Variants in PRKD1 observed in about 807,000 individuals in gnomAD.
The protein encoded by PRKD1 is serine/threonine-protein kinase D1.
Under a neutral mutation model 95.9 loss-of-function variants are expected in PRKD1, and 63 were observed. The observed-to-expected ratio is 0.66, with a 90% confidence interval of 0.54 to 0.81. The LOEUF (loss-of-function observed/expected upper bound fraction) is 0.81. Ranked by LOEUF, PRKD1 falls within the 30% of genes least tolerant of loss-of-function variation. PRKD1 has a pLI of 0.00. For synonymous variants in PRKD1, 425 were observed against 423.1 expected, an observed-to-expected ratio of 1.00 and a Z score of -0.05; for missense variants, 1,048 against 1,165.3, an observed-to-expected ratio of 0.90 and a Z score of 1.47.
In PRKD1 at chr14:29,859,436, A is replaced by G. The variant is rs974770237; in HGVS notation, c.264+67813T>C. On this transcript the variant is annotated intron_variant, in intron 1 of 17. Transcript: ENST00000331968. The stretch of plus-strand genomic sequence containing the variant: ...ATCCTGGCTAACACGGTGAAAACCC[A>G]TCTCTACTAAAAATACAAAAAATTA... Among the ~76,000 whole-genome samples, 14 of 151,922 alleles carry G rather than the reference A, an allele frequency of 9.2e-5. No individual in the cohort carries two copies. The South Asian group carries it at 1.2e-3, about 14-fold the overall frequency.
chr14:29,598,917 A>G, intron 15 of PRKD1, 110 bp downstream of exon 15: 1 of 932,004 alleles, frequency 1.1e-6, no homozygotes, highest in Non-Finnish European at 1.7e-6. Flanking sequence ...GATAGAAAAC[A>G]CTTGAAACAA....
chr14:29,733,420 T>C (rs1023480584), intron 1 of PRKD1, among the ~76,000 whole-genome samples: 2 of 152,176 alleles, frequency 1.3e-5, no homozygotes, highest in Non-Finnish European at 2.9e-5. Flanking sequence ...TATTTTCTAC[T>C]GTGATGTCTA....
chr14:29,582,184 C>T lies in PRKD1; in HGVS notation c.2435-3824G>A, dbSNP rs1415641168. The stretch of plus-strand genomic sequence containing the variant: ...ACAAATACTGACTTTCAGTCATTTT[C>T]TTCTCAGGGCCAAGATTTGTTTTCT... On this transcript the variant is annotated intron_variant, in intron 16 of 17. Transcript: ENST00000331968. Among the ~76,000 whole-genome samples, 6 of 152,154 alleles carry T rather than the reference C, an allele frequency of 3.9e-5. No individual in the cohort carries two copies. The East Asian group carries it at 1.2e-3, about 29-fold the overall frequency.
At chr14:29,629,439 T>TAA (rs1207004084) in intron 10 of PRKD1, among the ~76,000 whole-genome samples, 1 of 152,190 alleles carries the variant, frequency 6.6e-6, no homozygotes, top group African/African-American at 2.4e-5. Flanking sequence ...GGCAAATCGT[T>TAA]AAAGTCTACC....
At chr14:29,842,819 GA>G in intron 1 of PRKD1, among the ~76,000 whole-genome samples, 1 of 152,058 alleles carries the variant, frequency 6.6e-6, no homozygotes, top group East Asian at 1.9e-4. Flanking sequence ...CGCTTTTTCT[GA>G]AAGACTCCTG....
chr14:29,872,252 T>A (rs894144536), intron 1 of PRKD1, among the ~76,000 whole-genome samples: 1 of 152,100 alleles, frequency 6.6e-6, no homozygotes, highest in Non-Finnish European at 1.5e-5. Context: ...AAGCATACAA[T>A]TCAGAAAAAA....
intron 1 of PRKD1, among the ~76,000 whole-genome samples, chr14:29,900,523 A>C (rs1467178631): frequency 2.6e-5 from 4 of 152,240 alleles, no homozygotes; most frequent in Admixed American, 2.6e-4. Context: ...GCAGAGTAAA[A>C]TAAATTACCA....
chr14:29,607,697 G>A (rs1204879428), intron 13 of PRKD1, among the ~76,000 whole-genome samples: 1 of 152,170 alleles, frequency 6.6e-6, no homozygotes, highest in Non-Finnish European at 1.5e-5. Flanking sequence ...AGCTGGAGAA[G>A]GTACTGTGCT....
intron 2 of PRKD1, among the ~76,000 whole-genome samples, chr14:29,673,890 G>C (rs944114092): frequency 2.0e-5 from 3 of 152,170 alleles, no homozygotes; most frequent in African/African-American, 7.2e-5. Context: ...GAGTGCCAGG[G>C]AAGACCTGGA....
At chr14:29,866,010 A>T (rs996926764) in intron 1 of PRKD1, among the ~76,000 whole-genome samples, 1 of 152,202 alleles carries the variant, frequency 6.6e-6, no homozygotes, top group East Asian at 1.9e-4. Flanking sequence ...TATAATTTTT[A>T]AAAAATCTAT....
chr14:29,683,394 G>C (rs898549259), intron 2 of PRKD1, among the ~76,000 whole-genome samples: 5 of 152,182 alleles, frequency 3.3e-5, no homozygotes, highest in South Asian at 2.1e-4. Context: ...GATGGGTTCT[G>C]TTCTAGATAT....
chr14:29,649,459 T>C (rs1881352011), intron 4 of PRKD1, among the ~76,000 whole-genome samples: 2 of 151,984 alleles, frequency 1.3e-5, no homozygotes, highest in African/African-American at 4.8e-5. Context: ...TTGTGTTTAC[T>C]GGTGAAGTTT....
In PRKD1 at chr14:29,920,015, GGGAAGGAAGGAAGGAA is replaced by G. The variant is rs398043721; in HGVS notation, c.264+7218_264+7233del. ...GAGGAAGGAAGGTAGGAAGGAAGGA[GGGAAGGAAGGAAGGAA>G]GGAAGGAAGGAAGGAAGGAAGGAAG... On this transcript the variant is annotated intron_variant, in intron 1 of 17. Coordinates refer to ENST00000331968, the MANE Select transcript of PRKD1 (RefSeq NM_002742.3). Among the ~76,000 whole-genome samples the G allele has an allele frequency of 2.1e-3, 220 of 104,430 alleles. 2 individuals are homozygous for G. In the East Asian group the frequency reaches 0.027, roughly 13 times the overall value. 68.5% of individuals were successfully genotyped at this position (104,430 alleles called of 152,430 possible). A position where few individuals can be genotyped will look rare whatever the true frequency, so the allele number is the denominator to read the frequency against.
intron 1 of PRKD1, among the ~76,000 whole-genome samples, chr14:29,896,371 C>A (rs1248616151): frequency 6.6e-6 from 1 of 151,820 alleles, no homozygotes; most frequent in African/African-American, 2.4e-5. Flanking sequence ...TGTGTACACA[C>A]ACACACACAC....
At chr14:29,708,236 C>T (rs991673223) in intron 2 of PRKD1, among the ~76,000 whole-genome samples, 5 of 151,956 alleles carry the variant, frequency 3.3e-5, no homozygotes, top group African/African-American at 1.2e-4. Context: ...GAAAGCACAG[C>T]CTAGAAATGA....
At chr14:29,764,751 A>C (rs975011351) in intron 1 of PRKD1, among the ~76,000 whole-genome samples, 1 of 152,208 alleles carries the variant, frequency 6.6e-6, no homozygotes, top group Non-Finnish European at 1.5e-5. Context: ...ATTGGGGATT[A>C]AGTTTCAATA....
intron 2 of PRKD1, among the ~76,000 whole-genome samples, chr14:29,696,655 A>T (rs570874649): frequency 2.0e-5 from 3 of 152,340 alleles, no homozygotes; most frequent in African/African-American, 7.2e-5. Flanking sequence ...AAATATTTTT[A>T]AAATGTCTCT....
chr14:29,834,406 T>C (rs1891532366), intron 1 of PRKD1, among the ~76,000 whole-genome samples: 1 of 152,176 alleles, frequency 6.6e-6, no homozygotes, highest in South Asian at 2.1e-4. Flanking sequence ...CTCTTTAGTT[T>C]GTTTTATATA....
intron 1 of PRKD1, among the ~76,000 whole-genome samples, chr14:29,804,348 C>T (rs1890150339): frequency 6.6e-6 from 1 of 152,060 alleles, no homozygotes; most frequent in Non-Finnish European, 1.5e-5. Context: ...GCTAGTAAAT[C>T]TAGCACTTTT....
Sources: gnomAD v4.1 joint callset for allele counts (sites outside exome capture counted in the v4.1 genomes callset) on GRCh38, gnomAD v4.1.1 for gene constraint, MANE v1.5 for transcripts, NCBI Gene and HGNC (gene_info 2026-07-23, HGNC 2026-07-21) for gene names.